Variants in CSMD1 observed in about 807,000 individuals in gnomAD.
CSMD1 encodes the protein CUB and sushi domain-containing protein 1.
CSMD1 carries 213 observed loss-of-function variants against 417.5 expected under a neutral mutation model. The ratio of observed to expected loss-of-function variants is 0.51; its 90% CI spans 0.46 to 0.57. The LOEUF (loss-of-function observed/expected upper bound fraction) is 0.57. Among genes scored for constraint, CSMD1 ranks in the 20% least tolerant of loss-of-function variants. CSMD1 has a pLI of 0.00. For missense variants in CSMD1, 6,923 were observed against 4,529.7 expected, an observed-to-expected ratio of 1.53 and a Z score of -15.17; for synonymous variants, 2,862 against 1,736.8, an observed-to-expected ratio of 1.65 and a Z score of -16.11.
At chr8:3,574,885 C>T (rs1216626996) in intron 10 of CSMD1, 60 bp downstream of exon 10, 2 of 1,553,938 alleles carry the variant, frequency 1.3e-6, no homozygotes, top group Non-Finnish European at 1.7e-6. Context: ...TTTGCTTCAA[C>T]AATAGATCCT....
At chr8:3,935,110 C>G (rs1348153737) in intron 5 of CSMD1, among the ~76,000 whole-genome samples, 1 of 152,126 alleles carries the variant, frequency 6.6e-6, no homozygotes, top group African/African-American at 2.4e-5. Context: ...AACATGCCTT[C>G]TCACACATTT....
chr8:4,186,829 A>G (rs1798705534), intron 3 of CSMD1, among the ~76,000 whole-genome samples: 1 of 61,182 alleles, frequency 1.6e-5, no homozygotes, highest in South Asian at 1.3e-3. Flanking sequence ...TCTACTAAAA[A>G]TACAGAAAAA....
At chr8:3,029,204 G>A (rs1385546173) in intron 51 of CSMD1, 115 bp downstream of exon 51, 2 of 721,434 alleles carry the variant, frequency 2.8e-6, no homozygotes, top group East Asian at 5.6e-5. Flanking sequence ...TTGTTCTTTT[G>A]ATCTATAGGA....
chr8:3,584,461 G>C (rs1393046875), intron 9 of CSMD1, among the ~76,000 whole-genome samples: 3 of 152,132 alleles, frequency 2.0e-5, no homozygotes, highest in African/African-American at 4.8e-5. Context: ...GTAGCTGGGG[G>C]GTTGAGAAGG....
At chr8:4,047,764 G>C (rs1454105166) in intron 3 of CSMD1, among the ~76,000 whole-genome samples, 4 of 151,648 alleles carry the variant, frequency 2.6e-5, no homozygotes, top group South Asian at 4.2e-4. Flanking sequence ...GTATTTTTTT[G>C]ATAGGAATAG....
chr8:3,879,281 C>G (rs1473417209), intron 5 of CSMD1, among the ~76,000 whole-genome samples: 1 of 152,052 alleles, frequency 6.6e-6, no homozygotes, highest in Non-Finnish European at 1.5e-5. Flanking sequence ...CAATATGTAT[C>G]AATATCAAAT....
intron 5 of CSMD1, among the ~76,000 whole-genome samples, chr8:3,917,950 G>C (rs761276024): frequency 2.8e-4 from 43 of 152,032 alleles, no homozygotes; most frequent in Admixed American, 5.2e-4. Flanking sequence ...AATTTTAAAT[G>C]TTTAAAATTT....
rs541865707 is a variant in CSMD1 at position 3,009,141 on chromosome 8, T to C, written c.8030-9010A>G. Among the ~76,000 whole-genome samples, 114 of 152,352 alleles carry C rather than the reference T, an allele frequency of 7.5e-4. 1 individual carries two copies. Among genetic ancestry groups the C allele is most frequent in the Admixed American group, 3.1e-3 (48 of 15,310 alleles). On this transcript the variant is annotated intron_variant, in intron 52 of 69. Transcript: ENST00000635120. Reference sequence around the variant, plus strand: ...GAATCGGCTCCTTCCATTGGAGCTGTAGGATCTCTCCCCTCTCACCAGGTC... The same window carrying C: ...GAATCGGCTCCTTCCATTGGAGCTGCAGGATCTCTCCCCTCTCACCAGGTC...
chr8:3,586,477 G>A (rs1442598628), intron 8 of CSMD1, among the ~76,000 whole-genome samples: 1 of 152,120 alleles, frequency 6.6e-6, no homozygotes, highest in East Asian at 1.9e-4. Flanking sequence ...TGTTGTGCCA[G>A]CTTCAGAACT....
chr8:4,733,925 A>G (rs539101657), intron 1 of CSMD1, among the ~76,000 whole-genome samples: 7 of 152,180 alleles, frequency 4.6e-5, no homozygotes, highest in Non-Finnish European at 8.8e-5. Flanking sequence ...CAAGGATAGC[A>G]TTTATGGTAA....
At chr8:2,944,260 G>A (rs1241773153) in intron 68 of CSMD1, among the ~76,000 whole-genome samples, 2 of 152,162 alleles carry the variant, frequency 1.3e-5, no homozygotes, top group East Asian at 1.9e-4. Flanking sequence ...AGCGAGGGAC[G>A]CAAAACATTC....
At chr8:4,236,353 G>A (rs549300527) in intron 3 of CSMD1, among the ~76,000 whole-genome samples, 3 of 152,154 alleles carry the variant, frequency 2.0e-5, no homozygotes, top group African/African-American at 7.2e-5. Flanking sequence ...CACAAACCAA[G>A]ATTTCATCCC....
chr8:3,622,311 A>C (rs1796291401), intron 7 of CSMD1, among the ~76,000 whole-genome samples: 1 of 152,336 alleles, frequency 6.6e-6, no homozygotes, highest in Non-Finnish European at 1.5e-5. Flanking sequence ...AGCTTCATCA[A>C]GATGAACGAC....
intron 10 of CSMD1, among the ~76,000 whole-genome samples, chr8:3,522,078 T>C (rs1377951241): frequency 6.6e-6 from 1 of 152,260 alleles, no homozygotes; most frequent in Non-Finnish European, 1.5e-5. Flanking sequence ...ATATTTGGGA[T>C]GTTTATCTAA....
chr8:3,451,515 G>T (rs1165810437), intron 12 of CSMD1, among the ~76,000 whole-genome samples: 1 of 152,158 alleles, frequency 6.6e-6, no homozygotes, highest in Admixed American at 6.5e-5. Context: ...AAGGGATTCA[G>T]TTTCGTCTTT....
At chr8:4,660,873 A>G (rs1804550047) in intron 1 of CSMD1, among the ~76,000 whole-genome samples, 1 of 152,198 alleles carries the variant, frequency 6.6e-6, no homozygotes, top group Admixed American at 6.5e-5. Context: ...GGTACTCAAC[A>G]ACATTAGCTA....
intron 5 of CSMD1, among the ~76,000 whole-genome samples, chr8:3,977,211 G>A (rs1200966519): frequency 1.3e-5 from 2 of 152,030 alleles, no homozygotes; most frequent in East Asian, 1.9e-4. Context: ...CAGTGAACAC[G>A]TGCTCTATTT....
At chr8:3,158,553 C>A (rs1585510395) in intron 38 of CSMD1, among the ~76,000 whole-genome samples, 1 of 151,770 alleles carries the variant, frequency 6.6e-6, no homozygotes, top group South Asian at 2.1e-4. Flanking sequence ...ATGAAATTAA[C>A]CCTCATCACT....
intron 5 of CSMD1, among the ~76,000 whole-genome samples, chr8:3,965,761 G>T (rs1284759605): frequency 1.3e-5 from 2 of 152,122 alleles, no homozygotes; most frequent in Admixed American, 1.3e-4. Flanking sequence ...GGGACTACAG[G>T]CATGTGACAC....
Sources: gnomAD v4.1 joint callset for allele counts (sites outside exome capture counted in the v4.1 genomes callset) on GRCh38, gnomAD v4.1.1 for gene constraint, MANE v1.5 for transcripts, NCBI Gene and HGNC (gene_info 2026-07-23, HGNC 2026-07-21) for gene names.